Variants in ZNF804B observed in about 807,000 individuals in gnomAD.
ZNF804B encodes zinc finger 804B.
Under a neutral mutation model 101.4 loss-of-function variants are expected in ZNF804B, and 80 were observed. That is an observed-to-expected ratio of 0.79 (90% CI 0.66 to 0.95). The LOEUF (loss-of-function observed/expected upper bound fraction) is 0.95, where lower values mean the gene tolerates loss of function less well. Ranked by LOEUF, ZNF804B falls within the 40% of genes least tolerant of loss-of-function variation. The pLI, the probability that ZNF804B is intolerant of heterozygous loss-of-function variation, is 0.00. For synonymous variants in ZNF804B, 622 were observed against 558.8 expected, an observed-to-expected ratio of 1.11 and a Z score of -1.59; for missense variants, 1,673 against 1,561.9, an observed-to-expected ratio of 1.07 and a Z score of -1.20.
intron 1 of ZNF804B, among the ~76,000 whole-genome samples, chr7:88,825,074 G>A (rs1375326596): frequency 1.3e-5 from 2 of 152,126 alleles, no homozygotes; most frequent in Admixed American, 6.6e-5. Context: ...TCCTCATCTG[G>A]TTCTGTATTC....
rs559110901 is a variant in ZNF804B, at chr7:88,946,283, G to A, written c.108+186199G>A. On this transcript the variant is annotated intron_variant, in intron 1 of 3. Transcript: ENST00000333190. Reference sequence around the variant, plus strand: ...TCCATCGATACCTAGTTTATTGAGAGTTTTTTTTTTTAGCATGAAAGGGTG... The same window carrying A: ...TCCATCGATACCTAGTTTATTGAGAATTTTTTTTTTTAGCATGAAAGGGTG... 4.0e-4 allele frequency among the ~76,000 whole-genome samples: 59 copies of A among 147,502 alleles called. No homozygotes were observed. The East Asian group carries it at 7.8e-3, about 19-fold the overall frequency.
rs114797713 is a variant in ZNF804B at position 89,057,996 on chromosome 7, C to G, written c.109-160159C>G. Among the ~76,000 whole-genome samples, 448 of 152,140 alleles carry G rather than the reference C, an allele frequency of 2.9e-3. 1 individual carries two copies. The highest frequency in any genetic ancestry group is 0.01 in the African/African-American group (423 of 41,522). On this transcript the variant is annotated intron_variant, in intron 1 of 3. Transcript: ENST00000333190. ...ACTGAGGCATTTATCAATATTCTAT[C>G]CCAGAAAAAGAGAAACGTTCCAGAG...
chr7:89,209,832 T>C (rs1161003722), intron 1 of ZNF804B, among the ~76,000 whole-genome samples: 1 of 152,166 alleles, frequency 6.6e-6, no homozygotes, highest in Non-Finnish European at 1.5e-5. Flanking sequence ...TGTTGTGGAA[T>C]GCAAAGACTA....
At chr7:89,059,145 A>G (rs998000796) in intron 1 of ZNF804B, among the ~76,000 whole-genome samples, 4 of 152,176 alleles carry the variant, frequency 2.6e-5, no homozygotes, top group South Asian at 2.1e-4. Flanking sequence ...CTGAAACCCA[A>G]ATTCTGGGGA....
intron 1 of ZNF804B, among the ~76,000 whole-genome samples, chr7:88,845,291 G>GCACACACACA (rs1554339266): frequency 1.3e-4 from 14 of 106,542 alleles, no homozygotes; most frequent in African/African-American, 5.4e-4. Context: ...ACGCGCGCGC[G>GCACACACACA]CACGCGCGCG....
intron 1 of ZNF804B, among the ~76,000 whole-genome samples, chr7:88,869,803 G>T (rs1186929582): frequency 6.6e-6 from 1 of 152,040 alleles, no homozygotes; most frequent in Admixed American, 6.6e-5. Context: ...CAGTGTAGTG[G>T]GGAAGGGAAA....
intron 1 of ZNF804B, among the ~76,000 whole-genome samples, chr7:88,833,854 T>G (rs1449315740): frequency 6.6e-6 from 1 of 151,914 alleles, no homozygotes; most frequent in Non-Finnish European, 1.5e-5. Flanking sequence ...AGTAGATTTA[T>G]GTAACTTAGT....
At chr7:89,180,807 C>G (rs2115580544) in intron 1 of ZNF804B, among the ~76,000 whole-genome samples, 1 of 149,592 alleles carries the variant, frequency 6.7e-6, no homozygotes, top group Middle Eastern at 3.4e-3. Flanking sequence ...GCCCTGTGAA[C>G]AGAGGACAGC....
intron 2 of ZNF804B, among the ~76,000 whole-genome samples, chr7:89,282,106 C>T (rs1271732592): frequency 1.3e-5 from 2 of 149,112 alleles, no homozygotes; most frequent in African/African-American, 2.5e-5. Flanking sequence ...GAGGCTGAGG[C>T]AGGAGAATGG....
intron 1 of ZNF804B, among the ~76,000 whole-genome samples, chr7:89,150,241 C>T (rs1202074986): frequency 1.3e-5 from 2 of 151,776 alleles, no homozygotes; most frequent in Admixed American, 6.6e-5. Flanking sequence ...ATACAGAGTT[C>T]GGTACCATCC....
At chr7:88,874,341 A>C (rs1002949131) in intron 1 of ZNF804B, among the ~76,000 whole-genome samples, 5 of 151,790 alleles carry the variant, frequency 3.3e-5, no homozygotes, top group African/African-American at 4.8e-5. Context: ...ACTTTGCTGA[A>C]GTTGCTTATC....
intron 1 of ZNF804B, among the ~76,000 whole-genome samples, chr7:88,892,515 A>T (rs944802605): frequency 2.6e-5 from 4 of 152,108 alleles, no homozygotes; most frequent in Non-Finnish European, 2.9e-5. Flanking sequence ...TGTATAGAGT[A>T]TCTTTTCTCT....
At chr7:88,926,357 C>T (rs1361531376) in intron 1 of ZNF804B, among the ~76,000 whole-genome samples, 1 of 150,502 alleles carries the variant, frequency 6.6e-6, no homozygotes, top group African/African-American at 2.5e-5. Flanking sequence ...GAGGCTGAGG[C>T]AGGCGGATCA....
chr7:89,303,827 A>G (rs549025508), intron 2 of ZNF804B, among the ~76,000 whole-genome samples: 1 of 152,034 alleles, frequency 6.6e-6, no homozygotes, highest in Admixed American at 6.6e-5. Flanking sequence ...CAAAAATTAT[A>G]TTTATAAATT....
At chr7:89,064,661 A>T (rs1019394987) in intron 1 of ZNF804B, among the ~76,000 whole-genome samples, 1 of 152,244 alleles carries the variant, frequency 6.6e-6, no homozygotes, top group Non-Finnish European at 1.5e-5. Flanking sequence ...CTGGTGGGGC[A>T]TGTCATGTGC....
intron 1 of ZNF804B, among the ~76,000 whole-genome samples, chr7:88,895,185 G>A (rs1792267962): frequency 6.6e-6 from 1 of 152,154 alleles, no homozygotes; most frequent in Admixed American, 6.5e-5. Flanking sequence ...TAACTACTAG[G>A]TTCTAGTTGA....
intron 1 of ZNF804B, among the ~76,000 whole-genome samples, chr7:89,074,545 A>G (rs1013962647): frequency 3.3e-5 from 5 of 152,136 alleles, no homozygotes; most frequent in Non-Finnish European, 7.4e-5. Context: ...CTTCCACCAC[A>G]ATTGTGAGGC....
intron 1 of ZNF804B, among the ~76,000 whole-genome samples, chr7:88,820,281 AC>A (rs1241282818): frequency 2.0e-5 from 3 of 152,132 alleles, no homozygotes; most frequent in African/African-American, 7.2e-5. Flanking sequence ...AATACAATAG[AC>A]TTTTTTATGG....
intron 1 of ZNF804B, among the ~76,000 whole-genome samples, chr7:88,774,494 A>G (rs904646536): frequency 3.9e-5 from 6 of 152,116 alleles, no homozygotes; most frequent in African/African-American, 1.2e-4. Context: ...CCCTGTCCAT[A>G]GTGAAGGTAC....
Sources: allele counts gnomAD v4.1 joint callset (sites outside exome capture counted in the v4.1 genomes callset), GRCh38; gene constraint gnomAD v4.1.1; transcripts MANE v1.5; gene names NCBI Gene and HGNC (gene_info 2026-07-23, HGNC 2026-07-21).